Variants in BCL2L13 observed in about 807,000 individuals in gnomAD.
BCL2L13 encodes bcl-2-like protein 13.
In BCL2L13, 13 loss-of-function variants were observed where a neutral mutation model predicts 25.8. That is an observed-to-expected ratio of 0.50 (90% CI 0.33 to 0.80). The LOEUF (loss-of-function observed/expected upper bound fraction) is 0.80, where lower values mean the gene tolerates loss of function less well. BCL2L13 is among the 30% of genes least tolerant of loss of function. The probability of loss-of-function intolerance (pLI) is 0.02; values close to 1 mark genes in which losing one functional copy is unlikely to be tolerated. For missense variants in BCL2L13, 504 were observed against 574.9 expected (o/e 0.88, Z 1.26); for synonymous variants, 244 against 230.3 (o/e 1.06, Z -0.54).
At chr22:17,652,431 C>T (rs1237154926) in intron 1 of BCL2L13, among the ~76,000 whole-genome samples, 2 of 152,078 alleles carry the variant, frequency 1.3e-5, no homozygotes, top group Admixed American at 6.6e-5. Flanking sequence ...AAAGTGTTGA[C>T]TATCTTATCA....
At chr22:17,711,712 C>G (rs983314279) in intron 6 of BCL2L13, among the ~76,000 whole-genome samples, 1 of 152,104 alleles carries the variant, frequency 6.6e-6, no homozygotes, top group African/African-American at 2.4e-5. Context: ...TTTGTTTTTG[C>G]TTATTTAATC....
Position 17,727,328 on chromosome 22 carries a change from G to A in BCL2L13, c.1252G>A (p.Glu418Lys). Reference protein sequence around the residue: ...LLSEKEINAREESLVEELSPA... With the variant: ...LLSEKEINARKESLVEELSPA... The stretch of plus-strand genomic sequence containing the variant: ...GAGTGAGAAGGAGATAAACGCAAGG[G>A]AAGAGAGCCTTGTGGAAGAGCTGTC... The change falls in exon 7 of 7, where the codon GAA (glutamate) becomes AAA (lysine). Residue 418 changes from glutamate (E) to lysine (K), a missense_variant. Glu to Lys is a moderately conservative substitution (Grantham distance 56, BLOSUM62 1). Transcript: ENST00000317582. 6.2e-7 allele frequency: 1 copy of A among 1,614,254 alleles called. No homozygotes were observed. The highest frequency in any genetic ancestry group is 8.5e-7 in the Non-Finnish European group (1 of 1,180,050).
intron 1 of BCL2L13, among the ~76,000 whole-genome samples, chr22:17,650,628 A>C (rs2058651187): frequency 6.6e-6 from 1 of 152,134 alleles, no homozygotes; most frequent in Non-Finnish European, 1.5e-5. Flanking sequence ...CAAGTCTGAA[A>C]GTATATTGAA....
chr22:17,629,352 A>G (rs2057955283), intron 1 of BCL2L13, among the ~76,000 whole-genome samples: 1 of 152,164 alleles, frequency 6.6e-6, no homozygotes, highest in Non-Finnish European at 1.5e-5. Flanking sequence ...GGAAGCCACT[A>G]TACAAAGCCC....
chr22:17,724,956 G>A (rs1464253461), intron 6 of BCL2L13, among the ~76,000 whole-genome samples: 2 of 152,174 alleles, frequency 1.3e-5, no homozygotes, highest in East Asian at 3.8e-4. Context: ...AGGCTTCACA[G>A]CTGCCTAGTA....
chr22:17,678,241 C>T (rs1247148691), intron 2 of BCL2L13, among the ~76,000 whole-genome samples: 1 of 151,968 alleles, frequency 6.6e-6, no homozygotes, highest in Non-Finnish European at 1.5e-5. Flanking sequence ...GCAGGCTGTT[C>T]TTGAACTCCT....
At position 17,638,757 on chromosome 22, in the gene BCL2L13, A is replaced by C. The variant is rs749972587; in HGVS notation, c.-180A>C. 1 of 1,231,474 alleles carries C rather than the reference A, an allele frequency of 8.1e-7. No homozygotes were observed. Among genetic ancestry groups the C allele is most frequent in the Admixed American group, 4.2e-5 (1 of 23,694 alleles). 76.3% of individuals were successfully genotyped at this position (1,231,474 alleles called of 1,614,324 possible). ...GACGAAGGCACGCCGGGGTGACCTCACCCTCCAACATGGCGGCGGCGGTAG... is the reference window on the plus strand; with the variant it reads ...GACGAAGGCACGCCGGGGTGACCTCCCCCTCCAACATGGCGGCGGCGGTAG... On this transcript the variant is annotated 5_prime_UTR_variant, in exon 1 of 7. Transcript: ENST00000317582.
At chr22:17,697,176 T>C (rs1244643984) in intron 5 of BCL2L13, among the ~76,000 whole-genome samples, 1 of 151,836 alleles carries the variant, frequency 6.6e-6, no homozygotes, top group Admixed American at 6.6e-5. Flanking sequence ...CAGTGGCTCA[T>C]GCCTGTAATC....
Position 17,702,307 on chromosome 22 carries a change from C to T in BCL2L13, c.521C>T (p.Pro174Leu). Residue 174 changes from proline (P) to leucine (L), a missense_variant, in exon 6 of 7, where the codon CCT becomes CTT. By Grantham distance (98) the Pro-to-Leu change is moderately conservative. Coordinates refer to ENST00000317582, the MANE Select transcript of BCL2L13 (RefSeq NM_015367.4). Reference sequence around the variant, plus strand: ...GAATTGACAAGACGTGGTCAAGAACCTTTGAGCGCACTGCTGCAGTTTGGC... The same window carrying T: ...GAATTGACAAGACGTGGTCAAGAACTTTTGAGCGCACTGCTGCAGTTTGGC... ...LLELTRRGQEPLSALLQFGVT... is the reference protein window; with the variant it reads ...LLELTRRGQELLSALLQFGVT... The T allele has an allele frequency of 6.2e-7, 1 of 1,612,534 alleles. No homozygotes were observed. Among genetic ancestry groups the T allele is most frequent in the South Asian group, 1.1e-5 (1 of 90,868 alleles).
At chr22:17,679,827 G>A (rs753240032) in intron 2 of BCL2L13, among the ~76,000 whole-genome samples, 4 of 151,934 alleles carry the variant, frequency 2.6e-5, no homozygotes, top group South Asian at 4.2e-4. Context: ...TTCTTTGTTC[G>A]TTTTTTCCCC....
chr22:17,688,957 A>G (rs193001233), intron 3 of BCL2L13, 29 bp from the exon 4 acceptor site: 2 of 1,601,076 alleles, frequency 1.2e-6, no homozygotes, highest in East Asian at 2.2e-5. Context: ...TGTTTATTAT[A>G]TTAGGTTTTT....
At position 17,721,319 on chromosome 22, in the gene BCL2L13, G is replaced by A. The variant is rs565063005; in HGVS notation, c.601-5358G>A. ...AGTATCTACTAATCTCATGTTCCCA[G>A]GAAGTAGCAGAGCCCTGTTCATATT... On this transcript the variant is annotated intron_variant, in intron 6 of 6. Transcript: ENST00000317582. Among the ~76,000 whole-genome samples the A allele has an allele frequency of 4.6e-5, 7 of 152,216 alleles. No homozygotes were observed. The East Asian group carries it at 1.3e-3, about 29-fold the overall frequency.
intron 6 of BCL2L13, among the ~76,000 whole-genome samples, chr22:17,714,786 A>G (rs954015497): frequency 2.0e-5 from 3 of 152,054 alleles, no homozygotes; most frequent in Non-Finnish European, 1.5e-5. Flanking sequence ...TAGAAGTTGG[A>G]AAACGTATAT....
At chr22:17,671,565 CAA>C (rs35668910) in intron 2 of BCL2L13, among the ~76,000 whole-genome samples, 334 of 141,168 alleles carry the variant, frequency 2.4e-3, no homozygotes, top group Middle Eastern at 0.018. Flanking sequence ...GGCTACATCT[CAA>C]AAAAAAAAAA....
rs737778 is a variant in BCL2L13 at position 17,723,428 on chromosome 22, A to G, written c.601-3249A>G. On this transcript the variant is annotated intron_variant, in intron 6 of 6. Transcript: ENST00000317582. Reference sequence around the variant, plus strand: ...ATGGAGGAGGAAGGAAAAGTTTGTAAATTACCTTCTTTAGCCAAGGGAGGG... The same window carrying G: ...ATGGAGGAGGAAGGAAAAGTTTGTAGATTACCTTCTTTAGCCAAGGGAGGG... Among the ~76,000 whole-genome samples, 24 of 152,280 alleles carry G rather than the reference A, an allele frequency of 1.6e-4. 2 individuals are homozygous for G. In the Middle Eastern group the frequency reaches 0.02, roughly 129 times the overall value.
chr22:17,641,129 A>G (rs1221164282), intron 1 of BCL2L13, among the ~76,000 whole-genome samples: 2 of 152,068 alleles, frequency 1.3e-5, no homozygotes, highest in African/African-American at 4.8e-5. Flanking sequence ...TGACCTCGCG[A>G]TCTGCCCGCC....
At chr22:17,676,011 G>A (rs1410160920) in intron 2 of BCL2L13, among the ~76,000 whole-genome samples, 1 of 152,164 alleles carries the variant, frequency 6.6e-6, no homozygotes, top group Non-Finnish European at 1.5e-5. Flanking sequence ...TCTGTGATGA[G>A]CTAATTTCTG....
intron 1 of BCL2L13, among the ~76,000 whole-genome samples, chr22:17,642,669 C>T (rs1260024451): frequency 6.6e-6 from 1 of 151,822 alleles, no homozygotes; most frequent in Non-Finnish European, 1.5e-5. Flanking sequence ...TCTCAGCTCA[C>T]CTCAACCTCT....
At chr22:17,633,045 C>T (rs1413108936) in intron 1 of BCL2L13, among the ~76,000 whole-genome samples, 1 of 152,082 alleles carries the variant, frequency 6.6e-6, no homozygotes, top group Admixed American at 6.6e-5. Context: ...TGAGCCACTG[C>T]GCCTGACCAC....
Sources: allele counts gnomAD v4.1 joint callset (sites outside exome capture counted in the v4.1 genomes callset), GRCh38; gene constraint gnomAD v4.1.1; transcripts MANE v1.5; gene names NCBI Gene and HGNC (gene_info 2026-07-23, HGNC 2026-07-21).